The following GTF3C5 variants were observed in gnomAD, a reference collection of about 807,000 sequenced individuals.
GTF3C5 encodes general transcription factor IIIC subunit 5.
Under a neutral mutation model 61.0 loss-of-function variants are expected in GTF3C5, and 47 were observed. The observed-to-expected ratio is 0.77, with a 90% confidence interval of 0.61 to 0.98. The LOEUF (loss-of-function observed/expected upper bound fraction) is 0.98, where lower values mean the gene tolerates loss of function less well. Among genes scored for constraint, GTF3C5 ranks in the 50% least tolerant of loss-of-function variants. The probability of loss-of-function intolerance (pLI) is 0.00; values close to 1 mark genes in which losing one functional copy is unlikely to be tolerated. For missense variants in GTF3C5, 659 were observed against 703.3 expected (o/e 0.94, Z 0.71); for synonymous variants, 295 against 275.4 (o/e 1.07, Z -0.71).
At chr9:133,045,731 G>A (rs1383839274) in intron 3 of GTF3C5, among the ~76,000 whole-genome samples, 1 of 152,146 alleles carries the variant, frequency 6.6e-6, no homozygotes, top group African/African-American at 2.4e-5. Flanking sequence ...CTGCTTCCTG[G>A]GTTAAAACAA....
upstream of GTF3C5, chr9:133,030,966 G>A: frequency 6.2e-6 from 10 of 1,605,888 alleles, no homozygotes; most frequent in Non-Finnish European, 8.5e-6. Context: ...GCCTTTGGGA[G>A]TACTTTGTGG....
At position 133,054,416 on chromosome 9, in the gene GTF3C5, C is replaced by T. The variant is rs1829861688; in HGVS notation, c.997C>T (p.Pro333Ser). Reference sequence around the variant, plus strand: ...CCCGCCCTCGCCTACAGGTTACGCCCCCAGTGACTTGCCGGTCAAAGCAAA... The same window carrying T: ...CCCGCCCTCGCCTACAGGTTACGCCTCCAGTGACTTGCCGGTCAAAGCAAA... ...IRCGMKHGYA[P>S]SDLPVKAKRS... Residue 333 changes from proline (P) to serine (S), a missense_variant, in exon 7 of 11, where the codon CCC (proline) becomes TCC (serine). Transcript: ENST00000372097. 2 of 1,613,996 alleles carry T rather than the reference C, an allele frequency of 1.2e-6. No homozygotes were observed. The highest frequency in any genetic ancestry group is 2.7e-5 in the African/African-American group (2 of 74,956).
At chr9:133,041,372 G>A (rs1366533721) in intron 1 of GTF3C5, among the ~76,000 whole-genome samples, 4 of 152,168 alleles carry the variant, frequency 2.6e-5, no homozygotes, top group Admixed American at 1.3e-4. Context: ...CGTCCTGTAC[G>A]CCTGGCTCTG....
In GTF3C5 at chr9:133,052,094, C is replaced by T. The variant is rs761231839; in HGVS notation, c.803C>T (p.Ala268Val). The change falls in exon 5 of 11, where the codon GCT (alanine) becomes GTT (valine). Residue 268 changes from alanine to valine, a missense_variant. By Grantham distance (64) the Ala-to-Val change is moderately conservative. Coordinates refer to ENST00000372097, the MANE Select transcript of GTF3C5 (RefSeq NM_012087.4). ...FDIRPIWSRN[A>V]VKANISVHPD... ...ATCCGTCCCATCTGGTCCCGAAATGCTGTCAAGGCCAACATCAGCGTCCAC... is the reference window on the plus strand; with the variant it reads ...ATCCGTCCCATCTGGTCCCGAAATGTTGTCAAGGCCAACATCAGCGTCCAC... 14 of 1,608,594 alleles carry T rather than the reference C, an allele frequency of 8.7e-6. No homozygotes were observed. The highest frequency in any genetic ancestry group is 1.1e-5 in the Non-Finnish European group (13 of 1,176,914).
intron 5 of GTF3C5, among the ~76,000 whole-genome samples, chr9:133,052,441 A>G (rs559386058): frequency 9.6e-5 from 13 of 135,980 alleles, no homozygotes; most frequent in African/African-American, 3.6e-4. Flanking sequence ...TCCCTAAGAC[A>G]GCTTATTAAA....
intron 3 of GTF3C5, 124 bp from the exon 4 acceptor site, chr9:133,050,659 T>C (rs1043958548): frequency 3.0e-6 from 2 of 674,274 alleles, no homozygotes; most frequent in Non-Finnish European, 5.1e-6. Flanking sequence ...AGCACAGATG[T>C]CCAGAGAGAG....
intron 10 of GTF3C5, among the ~76,000 whole-genome samples, chr9:133,057,436 G>A (rs1829970056): frequency 6.6e-6 from 1 of 152,200 alleles, no homozygotes; most frequent in Non-Finnish European, 1.5e-5. Context: ...TTGGGGAGGA[G>A]GCATCCTGGA....
At chr9:133,040,018 C>T (rs982006392) in intron 1 of GTF3C5, among the ~76,000 whole-genome samples, 10 of 152,146 alleles carry the variant, frequency 6.6e-5, no homozygotes, top group East Asian at 1.9e-4. Flanking sequence ...CAGTTAATCA[C>T]GTTTTCTTCT....
rs1366935743 is a variant in GTF3C5, at chr9:133,056,883, G to T, written c.1368G>T (p.Arg456=). 3 of 1,606,338 alleles carry T rather than the reference G, an allele frequency of 1.9e-6. No individual in the cohort carries two copies. In the Admixed American group the frequency reaches 5.1e-5, roughly 27 times the overall value. The change falls in exon 10 of 11, where the codon CGG becomes CGT. Residue 456 remains arginine, a synonymous_variant. Coordinates refer to ENST00000372097, the MANE Select transcript of GTF3C5 (RefSeq NM_012087.4). ...GGGACACCATGTCCCTCATGATCCGGCAGACCATCCGCTCCAAGAGGCCTG... is the reference window on the plus strand; with the variant it reads ...GGGACACCATGTCCCTCATGATCCGTCAGACCATCCGCTCCAAGAGGCCTG... ...ELRDTMSLMI[R]QTIRSKRPAL...
chr9:133,047,974 T>A (rs1158617973), intron 3 of GTF3C5, among the ~76,000 whole-genome samples: 4 of 152,138 alleles, frequency 2.6e-5, no homozygotes, highest in African/African-American at 7.2e-5. Flanking sequence ...AAATTTTTTT[T>A]AAATCACCCA....
chr9:133,045,341 C>T (rs563971717), intron 3 of GTF3C5, among the ~76,000 whole-genome samples: 22 of 152,346 alleles, frequency 1.4e-4, no homozygotes, highest in African/African-American at 5.3e-4. Flanking sequence ...GGCAGCACCG[C>T]CCTGGTCTCT....
At chr9:133,030,851 A>G (rs755858739), upstream of GTF3C5, 1 of 806,810 alleles carries the variant, frequency 1.2e-6, no homozygotes, top group South Asian at 1.5e-5. Flanking sequence ...CCCATGGGCC[A>G]TTTGCTCCCT....
At chr9:133,053,588 A>T (rs1829827212) in intron 5 of GTF3C5, among the ~76,000 whole-genome samples, 1 of 152,184 alleles carries the variant, frequency 6.6e-6, no homozygotes, top group South Asian at 2.1e-4. Context: ...TCTCCCCCAA[A>T]AAACAAAAAC....
chr9:133,053,122 G>A (rs1276786325), intron 5 of GTF3C5, among the ~76,000 whole-genome samples: 1 of 152,214 alleles, frequency 6.6e-6, no homozygotes, highest in African/African-American at 2.4e-5. Flanking sequence ...TTATAGGCGA[G>A]AGCCACTGCG....
At chr9:133,033,941 G>T (rs1849798253) in intron 1 of GTF3C5, among the ~76,000 whole-genome samples, 1 of 152,240 alleles carries the variant, frequency 6.6e-6, no homozygotes, top group East Asian at 1.9e-4. Flanking sequence ...TGGGGAGAGC[G>T]TTGGGTCCCA....
chr9:133,034,480 A>G (rs1370375240), intron 1 of GTF3C5, among the ~76,000 whole-genome samples: 1 of 152,174 alleles, frequency 6.6e-6, no homozygotes, highest in Non-Finnish European at 1.5e-5. Context: ...AAAGAAAAGG[A>G]AAAATAGACA....
At chr9:133,055,942 G>A (rs956270036) in intron 8 of GTF3C5, 70 bp from the exon 9 acceptor site, 1 of 1,605,084 alleles carries the variant, frequency 6.2e-7, no homozygotes, top group African/African-American at 1.3e-5. Flanking sequence ...GAGCCTACAT[G>A]GAGTCTGCAA....
Position 133,057,890 on chromosome 9 carries a change from TGAGGAGGAG to T in GTF3C5, c.1476_1484del (p.Glu497_Glu499del), listed in dbSNP as rs759048355. 1 of 1,611,334 alleles carries T rather than the reference TGAGGAGGAG, an allele frequency of 6.2e-7. No homozygotes were observed. The highest frequency in any genetic ancestry group is 2.2e-5 in the East Asian group (1 of 44,808). On this transcript the variant is annotated inframe_deletion, in exon 11 of 11. Coordinates refer to ENST00000372097, the MANE Select transcript of GTF3C5 (RefSeq NM_012087.4). The stretch of plus-strand genomic sequence containing the variant: ...ACGAGTCTGGGGAAGACGAGGAGGA[TGAGGAGGAG>T]GAGGAAGAGGAGGAGGAGGACTTCA...
intron 9 of GTF3C5, among the ~76,000 whole-genome samples, chr9:133,056,564 G>A (rs1189761900): frequency 6.6e-6 from 1 of 152,210 alleles, no homozygotes; most frequent in Non-Finnish European, 1.5e-5. Context: ...CTTCATGTGT[G>A]TGAGGCGGTC....
Sources: gnomAD v4.1 joint callset for allele counts (sites outside exome capture counted in the v4.1 genomes callset) on GRCh38, gnomAD v4.1.1 for gene constraint, MANE v1.5 for transcripts, NCBI Gene and HGNC (gene_info 2026-07-23, HGNC 2026-07-21) for gene names.